Variants in BNC2 observed in about 807,000 individuals in gnomAD.
BNC2 encodes the protein zinc finger protein basonuclin-2.
Under a neutral mutation model 76.3 loss-of-function variants are expected in BNC2, and 20 were observed. The ratio of observed to expected loss-of-function variants is 0.26; its 90% CI spans 0.18 to 0.38. The LOEUF (loss-of-function observed/expected upper bound fraction) is 0.38, where lower values mean the gene tolerates loss of function less well. Among genes scored for constraint, BNC2 ranks in the 10% least tolerant of loss-of-function variants. The pLI, the probability that BNC2 is intolerant of heterozygous loss-of-function variation, is 1.00. For missense variants in BNC2, 1,382 were observed against 1,399.8 expected (o/e 0.99, Z 0.20); for synonymous variants, 582 against 514.8 (o/e 1.13, Z -1.77).
At chr9:16,468,040 C>CT (rs748053541) in intron 5 of BNC2, among the ~76,000 whole-genome samples, 2,866 of 129,542 alleles carry the variant, frequency 0.022, 94 homozygotes, top group South Asian at 0.073. Context: ...CTTTCTTTCT[C>CT]TTTTTTTTTT....
intron 3 of BNC2, among the ~76,000 whole-genome samples, chr9:16,655,619 T>C (rs1034174587): frequency 6.6e-6 from 1 of 152,236 alleles, no homozygotes; most frequent in Non-Finnish European, 1.5e-5. Flanking sequence ...AATCAGACTT[T>C]TAAAAAATCG....
At chr9:16,514,614 T>C (rs564232114) in intron 5 of BNC2, among the ~76,000 whole-genome samples, 4 of 152,356 alleles carry the variant, frequency 2.6e-5, no homozygotes, top group Admixed American at 2.0e-4. Context: ...ATCTTTCAGA[T>C]GTTTACAGTT....
At chr9:16,744,378 T>C (rs1824941341) in intron 1 of BNC2, among the ~76,000 whole-genome samples, 1 of 152,210 alleles carries the variant, frequency 6.6e-6, no homozygotes, top group African/African-American at 2.4e-5. Flanking sequence ...CAAAAAGACC[T>C]CCCAAATCCT....
chr9:16,634,620 G>C (rs1010829511), intron 3 of BNC2, among the ~76,000 whole-genome samples: 6 of 151,152 alleles, frequency 4.0e-5, no homozygotes, highest in African/African-American at 1.5e-4. Context: ...TAGTGCCTCA[G>C]CCTTCCGAGT....
At chr9:16,655,319 A>G (rs758267926) in intron 3 of BNC2, among the ~76,000 whole-genome samples, 7 of 152,188 alleles carry the variant, frequency 4.6e-5, no homozygotes, top group Non-Finnish European at 1.0e-4. Flanking sequence ...ATGGGGGGAC[A>G]GTGCTTATTG....
chr9:16,703,743 C>T (rs942350815), intron 3 of BNC2, among the ~76,000 whole-genome samples: 91 of 152,236 alleles, frequency 6.0e-4, no homozygotes, highest in African/African-American at 2.1e-3. Flanking sequence ...ATAAATAGGG[C>T]ACACGGGTCC....
chr9:16,699,239 G>A, intron 3 of BNC2: 1 of 469,804 alleles, frequency 2.1e-6, no homozygotes, highest in Non-Finnish European at 4.4e-6. Flanking sequence ...CCTAAATAAT[G>A]CAACAAAAAA....
intron 1 of BNC2, among the ~76,000 whole-genome samples, chr9:16,755,348 A>T (rs10810609): frequency 1.3e-5 from 2 of 151,558 alleles, no homozygotes; most frequent in East Asian, 3.9e-4. Flanking sequence ...GGGGGACACC[A>T]CCTCAGAACA....
chr9:16,588,335 C>T (rs1049512428), intron 3 of BNC2, among the ~76,000 whole-genome samples: 15 of 152,196 alleles, frequency 9.9e-5, no homozygotes, highest in Non-Finnish European at 7.3e-5. Context: ...AATTGCTTAA[C>T]ACATATTTAG....
chr9:16,741,082 G>C (rs1824834667), intron 1 of BNC2, among the ~76,000 whole-genome samples: 1 of 152,124 alleles, frequency 6.6e-6, no homozygotes, highest in Non-Finnish European at 1.5e-5. Context: ...AATCATCTGA[G>C]GAAAGTTAAA....
At chr9:16,708,746 G>A (rs988131649) in intron 3 of BNC2, among the ~76,000 whole-genome samples, 2 of 151,856 alleles carry the variant, frequency 1.3e-5, no homozygotes, top group Admixed American at 6.6e-5. Flanking sequence ...AGAAAAGGAA[G>A]ACCGAAGGAA....
chr9:16,689,793 T>C (rs1281873245), intron 3 of BNC2, among the ~76,000 whole-genome samples: 1 of 152,072 alleles, frequency 6.6e-6, no homozygotes, highest in Non-Finnish European at 1.5e-5. Flanking sequence ...GGTTATACAA[T>C]GCCAAGCGGC....
chr9:16,704,553 C>G (rs1366670604), intron 3 of BNC2, among the ~76,000 whole-genome samples: 2 of 129,092 alleles, frequency 1.5e-5, no homozygotes, highest in Non-Finnish European at 3.4e-5. Context: ...TTTAGCCCTT[C>G]TAAATGCCAA....
intron 3 of BNC2, among the ~76,000 whole-genome samples, chr9:16,686,296 C>T (rs1422709379): frequency 6.6e-6 from 1 of 152,104 alleles, no homozygotes; most frequent in African/African-American, 2.4e-5. Context: ...AAATTCTAAA[C>T]TGAAAGCCAC....
chr9:16,518,665 G>C (rs753706630), intron 5 of BNC2, among the ~76,000 whole-genome samples: 3 of 151,836 alleles, frequency 2.0e-5, no homozygotes, highest in Admixed American at 6.6e-5. Context: ...CAGTAGCACC[G>C]TCTTGGCTCA....
chr9:16,609,523 CTG>C (rs1265696126), intron 3 of BNC2, among the ~76,000 whole-genome samples: 1 of 152,136 alleles, frequency 6.6e-6, no homozygotes, highest in Non-Finnish European at 1.5e-5. Flanking sequence ...ACTGCTAAAA[CTG>C]TGTCCAGCCT....
chr9:16,543,548 G>A (rs190081577), intron 5 of BNC2, among the ~76,000 whole-genome samples: 92 of 152,270 alleles, frequency 6.0e-4, no homozygotes, highest in Non-Finnish European at 5.7e-4. Flanking sequence ...TCCCACAGGC[G>A]CAAATCCTAT....
At chr9:16,541,532 T>C (rs1818320892) in intron 5 of BNC2, among the ~76,000 whole-genome samples, 1 of 152,236 alleles carries the variant, frequency 6.6e-6, no homozygotes, top group South Asian at 2.1e-4. Flanking sequence ...CAGCAGGAAC[T>C]CTAATTCTGG....
intron 1 of BNC2, among the ~76,000 whole-genome samples, chr9:16,828,468 G>A (rs1179616134): frequency 6.6e-6 from 1 of 152,150 alleles, no homozygotes. Context: ...CTATAGTTAG[G>A]TAGTATGAAG....
Sources: gnomAD v4.1 joint callset for allele counts (sites outside exome capture counted in the v4.1 genomes callset) on GRCh38, gnomAD v4.1.1 for gene constraint, MANE v1.5 for transcripts, NCBI Gene and HGNC (gene_info 2026-07-23, HGNC 2026-07-21) for gene names.